ARL15: variants seen among roughly 807,000 people sequenced by gnomAD.
ARL15 encodes the protein ARF like GTPase 15.
A neutral mutation model predicts 25.2 loss-of-function variants in ARL15; 19 were observed. The ratio of observed to expected loss-of-function variants is 0.75; its 90% CI spans 0.53 to 1.10. The LOEUF (loss-of-function observed/expected upper bound fraction) is 1.10, where lower values mean the gene tolerates loss of function less well. ARL15 is among the 50% of genes least tolerant of loss of function. The pLI, the probability that ARL15 is intolerant of heterozygous loss-of-function variation, is 0.00. For synonymous variants in ARL15, 94 were observed against 86.8 expected (o/e 1.08, Z -0.46); for missense variants, 220 against 246.0 (o/e 0.89, Z 0.71).
chr5:54,260,573 G>GTTC (rs1190517372), intron 1 of ARL15, among the ~76,000 whole-genome samples: 1 of 152,050 alleles, frequency 6.6e-6, no homozygotes, highest in Non-Finnish European at 1.5e-5. Flanking sequence ...AGACCACAGG[G>GTTC]TTCTAGTTAG....
chr5:54,013,354 G>A (rs1749306734), intron 4 of ARL15, among the ~76,000 whole-genome samples: 1 of 152,184 alleles, frequency 6.6e-6, no homozygotes, highest in African/African-American at 2.4e-5. Context: ...TAACCTCACA[G>A]GCTGGCTGTC....
At chr5:54,232,259 C>T (rs751784039) in intron 1 of ARL15, among the ~76,000 whole-genome samples, 6 of 152,160 alleles carry the variant, frequency 3.9e-5, no homozygotes, top group Non-Finnish European at 7.3e-5. Flanking sequence ...TTACTAGATT[C>T]TTGGCTCTTT....
intron 1 of ARL15, among the ~76,000 whole-genome samples, chr5:54,201,642 A>AC (rs1447145338): frequency 6.6e-6 from 1 of 151,756 alleles, no homozygotes; most frequent in Non-Finnish European, 1.5e-5. Flanking sequence ...ACTGATCCCC[A>AC]CCCTGCTCTT....
At chr5:53,936,038 G>A (rs1282092157) in intron 4 of ARL15, among the ~76,000 whole-genome samples, 1 of 152,016 alleles carries the variant, frequency 6.6e-6, no homozygotes, top group Admixed American at 6.6e-5. Context: ...CGTGGCCATC[G>A]TGCCCGGCCT....
intron 1 of ARL15, among the ~76,000 whole-genome samples, chr5:54,231,055 C>T (rs543730682): frequency 2.0e-5 from 3 of 152,228 alleles, no homozygotes; most frequent in African/African-American, 7.2e-5. Flanking sequence ...TCCCTCTTTC[C>T]CCTGCTCTTT....
intron 4 of ARL15, among the ~76,000 whole-genome samples, chr5:53,891,059 A>G (rs187269855): frequency 1.5e-3 from 228 of 152,290 alleles, no homozygotes; most frequent in African/African-American, 5.4e-3. Context: ...GTGTGACTAA[A>G]TTTCTAGAAG....
chr5:54,091,035 G>A (rs1752111883), intron 4 of ARL15, among the ~76,000 whole-genome samples: 4 of 152,070 alleles, frequency 2.6e-5, no homozygotes, highest in African/African-American at 9.7e-5. Context: ...AAATTTTTAA[G>A]TACTAGGTTG....
chr5:53,963,680 C>T (rs1256698408), intron 4 of ARL15, among the ~76,000 whole-genome samples: 1 of 151,898 alleles, frequency 6.6e-6, no homozygotes, highest in African/African-American at 2.4e-5. Flanking sequence ...TGGTGGTGGA[C>T]ACCTGTAATC....
intron 1 of ARL15, among the ~76,000 whole-genome samples, chr5:54,188,641 G>A (rs1479374346): frequency 1.3e-5 from 2 of 152,194 alleles, no homozygotes; most frequent in African/African-American, 4.8e-5. Flanking sequence ...CACACAAGAG[G>A]AATAAGACAT....
At chr5:54,001,086 T>C in intron 4 of ARL15, among the ~76,000 whole-genome samples, 1 of 152,238 alleles carries the variant, frequency 6.6e-6, no homozygotes, top group South Asian at 2.1e-4. Flanking sequence ...ATGGTACTTT[T>C]TGCCCGACTT....
At chr5:54,209,465 A>G (rs1418341794) in intron 1 of ARL15, among the ~76,000 whole-genome samples, 1 of 152,166 alleles carries the variant, frequency 6.6e-6, no homozygotes, top group Non-Finnish European at 1.5e-5. Context: ...GTTTTCACAT[A>G]ATAAGTTCTA....
intron 4 of ARL15, among the ~76,000 whole-genome samples, chr5:53,975,451 G>A (rs886616782): frequency 1.3e-5 from 2 of 152,174 alleles, no homozygotes; most frequent in African/African-American, 4.8e-5. Context: ...AAGTTCTCAA[G>A]GATCTTGGCC....
At chr5:54,046,552 A>G (rs546976996) in intron 4 of ARL15, among the ~76,000 whole-genome samples, 338 of 152,318 alleles carry the variant, frequency 2.2e-3, no homozygotes, top group African/African-American at 7.7e-3. Context: ...AAATTAAAAA[A>G]TCATGCAAAA....
intron 4 of ARL15, among the ~76,000 whole-genome samples, chr5:54,004,696 TATTTACAGGAC>T (rs1481907131): frequency 6.6e-6 from 1 of 152,090 alleles, no homozygotes; most frequent in Non-Finnish European, 1.5e-5. Context: ...GGTAGTGCTA[TATTTACAGGAC>T]ATTAGATAAA....
chr5:54,155,051 G>A (rs1406503623), intron 2 of ARL15, among the ~76,000 whole-genome samples: 1 of 152,122 alleles, frequency 6.6e-6, no homozygotes, highest in Non-Finnish European at 1.5e-5. Context: ...AACCTGGGAG[G>A]CAGAGGTTGC....
intron 4 of ARL15, among the ~76,000 whole-genome samples, chr5:54,007,072 T>G (rs1749068749): frequency 6.6e-6 from 1 of 152,144 alleles, no homozygotes; most frequent in Non-Finnish European, 1.5e-5. Flanking sequence ...TGAAACAAAA[T>G]TTTTACTCTT....
chr5:54,070,261 G>A (rs185724126), intron 4 of ARL15, among the ~76,000 whole-genome samples: 2,407 of 151,872 alleles, frequency 0.016, 73 homozygotes, highest in African/African-American at 0.055. Flanking sequence ...GCGTGGTGCC[G>A]GGCGCCTGTA....
At chr5:53,955,317 C>A (rs1219537046) in intron 4 of ARL15, among the ~76,000 whole-genome samples, 1 of 152,098 alleles carries the variant, frequency 6.6e-6, no homozygotes, top group East Asian at 1.9e-4. Context: ...ACCATTTCTT[C>A]TTTACAGAGA....
At chr5:54,148,554 A>G (rs1753976550) in intron 3 of ARL15, among the ~76,000 whole-genome samples, 1 of 152,220 alleles carries the variant, frequency 6.6e-6, no homozygotes, top group African/African-American at 2.4e-5. Context: ...AAATGCAAAC[A>G]AAAATCTTCA....
Sources: allele counts gnomAD v4.1 joint callset (sites outside exome capture counted in the v4.1 genomes callset), GRCh38; gene constraint gnomAD v4.1.1; transcripts MANE v1.5; gene names NCBI Gene and HGNC (gene_info 2026-07-23, HGNC 2026-07-21).